SHISA9: variants seen among roughly 807,000 people sequenced by gnomAD.
The protein encoded by SHISA9 is protein shisa-9.
Under a neutral mutation model 38.0 loss-of-function variants are expected in SHISA9, and 13 were observed. That is an observed-to-expected ratio of 0.34 (90% CI 0.22 to 0.54). SHISA9 has a LOEUF of 0.54. SHISA9 is among the 20% of genes least tolerant of loss of function. SHISA9 has a pLI of 0.91. For missense variants in SHISA9, 538 were observed against 575.8 expected, an observed-to-expected ratio of 0.93 and a Z score of 0.67; for synonymous variants, 275 against 242.0, an observed-to-expected ratio of 1.14 and a Z score of -1.27.
the SHISA9 span, among the ~76,000 whole-genome samples, chr16:13,365,827 TG>T: frequency 1.3e-5 from 2 of 152,126 alleles, no homozygotes; most frequent in Non-Finnish European, 2.9e-5. Context: ...AAGTTGTAAT[TG>T]TTGGACGTGG....
At chr16:13,032,245 A>G (rs1212460357) in intron 2 of SHISA9, among the ~76,000 whole-genome samples, 3 of 151,942 alleles carry the variant, frequency 2.0e-5, no homozygotes, top group Non-Finnish European at 2.9e-5. Flanking sequence ...TCATGGTTCA[A>G]TTCCCACTTA....
intron 2 of SHISA9, among the ~76,000 whole-genome samples, chr16:12,991,646 T>G (rs1323243410): frequency 1.3e-5 from 2 of 152,222 alleles, no homozygotes; most frequent in Admixed American, 6.5e-5. Context: ...CTCTGTTCAT[T>G]GCTCTATCAG....
At chr16:12,961,031 G>T (rs1025319057) in intron 2 of SHISA9, among the ~76,000 whole-genome samples, 3 of 151,756 alleles carry the variant, frequency 2.0e-5, no homozygotes, top group Admixed American at 2.0e-4. Context: ...CATGTGGGGG[G>T]GATGATGAAA....
At chr16:12,956,482 C>A (rs943278880) in intron 2 of SHISA9, among the ~76,000 whole-genome samples, 37 of 152,118 alleles carry the variant, frequency 2.4e-4, no homozygotes, top group African/African-American at 8.9e-4. Flanking sequence ...CCTAAGTGTC[C>A]CTTAATGGTT....
At chr16:12,928,035 C>A (rs534754684) in intron 2 of SHISA9, among the ~76,000 whole-genome samples, 4 of 152,186 alleles carry the variant, frequency 2.6e-5, no homozygotes, top group African/African-American at 9.7e-5. Flanking sequence ...CAATTGCTTT[C>A]ATTTCACAAA....
At chr16:13,167,221 C>T (rs2050645607) in intron 2 of SHISA9, among the ~76,000 whole-genome samples, 1 of 151,784 alleles carries the variant, frequency 6.6e-6, no homozygotes, top group African/African-American at 2.4e-5. Context: ...TACAGGCATG[C>T]ACCGCCACAC....
chr16:13,534,246 A>G, the SHISA9 span, among the ~76,000 whole-genome samples: 15 of 128,650 alleles, frequency 1.2e-4, no homozygotes, highest in African/African-American at 4.2e-4. Flanking sequence ...TTTTTTTGTG[A>G]CAGAGTTTTG....
intron 2 of SHISA9, among the ~76,000 whole-genome samples, chr16:12,956,251 A>G (rs1291400168): frequency 6.6e-6 from 1 of 152,234 alleles, no homozygotes; most frequent in Non-Finnish European, 1.5e-5. Flanking sequence ...ATGGATGTGG[A>G]GAAAAGGGAA....
chr16:13,530,480 C>G, the SHISA9 span, among the ~76,000 whole-genome samples: 5 of 152,236 alleles, frequency 3.3e-5, no homozygotes, highest in African/African-American at 1.2e-4. Flanking sequence ...AAGACTGTGT[C>G]TGACACATAG....
intron 3 of SHISA9, among the ~76,000 whole-genome samples, chr16:13,203,958 G>C (rs1049058199): frequency 6.0e-5 from 9 of 150,064 alleles, no homozygotes; most frequent in South Asian, 2.1e-4. Context: ...TCATCTGTCT[G>C]TCTATCATCT....
intron 2 of SHISA9, among the ~76,000 whole-genome samples, chr16:12,936,491 G>C (rs1243334157): frequency 6.6e-6 from 1 of 152,194 alleles, no homozygotes; most frequent in Non-Finnish European, 1.5e-5. Flanking sequence ...GAAAGAGAGA[G>C]AGTGTAACAT....
chr16:12,970,346 T>TATATATAC (rs2072041789), intron 2 of SHISA9, among the ~76,000 whole-genome samples: 2 of 67,860 alleles, frequency 2.9e-5, no homozygotes, highest in African/African-American at 6.3e-5. Context: ...TATATATACA[T>TATATATAC]ATATGTGTAT....
chr16:12,916,581 A>G (rs1029306415), intron 1 of SHISA9, 107 bp from the exon 2 acceptor site: 63 of 1,322,080 alleles, frequency 4.8e-5, no homozygotes, highest in Non-Finnish European at 5.9e-5. Flanking sequence ...TGGTGGCTCC[A>G]TGGAGTAATC....
At chr16:13,446,984 AAG>A in the SHISA9 span, among the ~76,000 whole-genome samples, 1 of 121,442 alleles carries the variant, frequency 8.2e-6, no homozygotes, top group Non-Finnish European at 1.7e-5. Context: ...CATCTCAAAA[AAG>A]AAAAAAAAAA....
intron 2 of SHISA9, among the ~76,000 whole-genome samples, chr16:12,945,593 G>C (rs1336286332): frequency 6.6e-6 from 1 of 152,100 alleles, no homozygotes; most frequent in Admixed American, 6.6e-5. Flanking sequence ...ACAAGTTCTG[G>C]GTTCAAATTC....
chr16:13,096,710 C>A (rs758564565), intron 2 of SHISA9, among the ~76,000 whole-genome samples: 1 of 152,098 alleles, frequency 6.6e-6, no homozygotes, highest in African/African-American at 2.4e-5. Flanking sequence ...ATTCATTGAA[C>A]CTTTATTAGA....
rs553399583 is a variant in SHISA9 at position 13,055,680 on chromosome 16, C to T, written c.691+138865C>T. Among the ~76,000 whole-genome samples, 3 of 152,358 alleles carry T rather than the reference C, an allele frequency of 2.0e-5. No individual in the cohort carries two copies. In the South Asian group the frequency reaches 6.2e-4, roughly 32 times the overall value. ...TTCTCCCTCCATGCCCACTCACCCT[C>T]TTCCCTCATAGCACTCTGGAGGCTG... On this transcript the variant is annotated intron_variant, in intron 2 of 4. Coordinates refer to ENST00000558583, the MANE Select transcript of SHISA9 (RefSeq NM_001145204.3).
At chr16:13,051,498 AATTTGGGGTTCAGAAAAT>A (rs1356397464) in intron 2 of SHISA9, among the ~76,000 whole-genome samples, 2 of 152,158 alleles carry the variant, frequency 1.3e-5, no homozygotes, top group Non-Finnish European at 1.5e-5. Flanking sequence ...TGCGTGCTTC[AATTTGGGGTTCAGAAAAT>A]ATCTTCACTT....
chr16:13,270,511 T>A, the SHISA9 span, among the ~76,000 whole-genome samples: 3 of 152,226 alleles, frequency 2.0e-5, no homozygotes, highest in African/African-American at 7.2e-5. Context: ...TACAATTAAA[T>A]TGCATTTTAA....
Sources: gnomAD v4.1 joint callset for allele counts (sites outside exome capture counted in the v4.1 genomes callset) on GRCh38, gnomAD v4.1.1 for gene constraint, MANE v1.5 for transcripts, NCBI Gene and HGNC (gene_info 2026-07-23, HGNC 2026-07-21) for gene names.